Variants in OPCML observed in about 807,000 individuals in gnomAD.
OPCML encodes opioid binding protein/cell adhesion molecule like, also known as opioid-binding protein/cell adhesion molecule.
In OPCML, 13 loss-of-function variants were observed where a neutral mutation model predicts 37.8. That is an observed-to-expected ratio of 0.34 (90% confidence interval 0.22 to 0.55). The LOEUF is 0.55. OPCML is among the 20% of genes least tolerant of loss of function. The pLI is 0.91. For missense variants in OPCML, 341 were observed against 435.6 expected (o/e 0.78, Z 1.93); for synonymous variants, 176 against 168.8 (o/e 1.04, Z -0.33).
chr11:133,263,840 C>T (rs940444401), intron 1 of OPCML, among the ~76,000 whole-genome samples: 4 of 152,114 alleles, frequency 2.6e-5, no homozygotes, highest in Non-Finnish European at 5.9e-5. Flanking sequence ...CAAAAATCTG[C>T]CATGTATTTT....
chr11:132,590,057 C>A (rs193218404), intron 3 of OPCML, among the ~76,000 whole-genome samples: 1 of 152,268 alleles, frequency 6.6e-6, no homozygotes, highest in Admixed American at 6.5e-5. Context: ...CAATGCAGAT[C>A]TTTTAATGAC....
chr11:133,073,454 G>A (rs138721029), intron 1 of OPCML, among the ~76,000 whole-genome samples: 109 of 152,310 alleles, frequency 7.2e-4, no homozygotes, highest in Admixed American at 1.2e-3. Flanking sequence ...CTCCAACCAC[G>A]GAAACCCAGG....
chr11:132,682,970 A>T (rs758361860), intron 2 of OPCML, among the ~76,000 whole-genome samples: 5 of 152,230 alleles, frequency 3.3e-5, no homozygotes, highest in Non-Finnish European at 7.3e-5. Flanking sequence ...ATTCAAGGCC[A>T]GTCAGAAGAA....
chr11:132,560,314 T>C (rs1239944028), intron 3 of OPCML, among the ~76,000 whole-genome samples: 1 of 152,220 alleles, frequency 6.6e-6, no homozygotes, highest in East Asian at 1.9e-4. Context: ...CAAAATCTAA[T>C]AGTTTTCCAC....
chr11:133,031,614 G>A (rs1335161466), intron 1 of OPCML, among the ~76,000 whole-genome samples: 1 of 151,752 alleles, frequency 6.6e-6, no homozygotes, highest in East Asian at 1.9e-4. Flanking sequence ...GATAGATGGT[G>A]TATGAATGGG....
At chr11:132,862,945 T>C (rs1247854036) in intron 2 of OPCML, among the ~76,000 whole-genome samples, 1 of 152,218 alleles carries the variant, frequency 6.6e-6, no homozygotes, top group Non-Finnish European at 1.5e-5. Flanking sequence ...ATGGTTACAC[T>C]GAGATATTTC....
chr11:133,442,927 A>C (rs1236714346), intron 1 of OPCML, among the ~76,000 whole-genome samples: 2 of 152,226 alleles, frequency 1.3e-5, no homozygotes, highest in Non-Finnish European at 2.9e-5. Context: ...TGGAAAGCAG[A>C]GAATGGGAAA....
intron 2 of OPCML, among the ~76,000 whole-genome samples, chr11:132,733,774 T>C (rs779325101): frequency 2.6e-5 from 4 of 152,012 alleles, no homozygotes; most frequent in African/African-American, 4.8e-5. Flanking sequence ...GAGAAAGAGA[T>C]GAGATGAGCT....
chr11:133,421,381 G>A (rs949209112), intron 1 of OPCML: 6 of 985,280 alleles, frequency 6.1e-6, no homozygotes, highest in African/African-American at 1.7e-5. Flanking sequence ...GGTGTCACTC[G>A]GAGACCAGAA....
chr11:132,978,841 ATC>A (rs1248664355), intron 1 of OPCML, among the ~76,000 whole-genome samples: 6 of 152,142 alleles, frequency 3.9e-5, no homozygotes, highest in Admixed American at 1.3e-4. Context: ...ACGTATACAC[ATC>A]TCTTTCTCCG....
At chr11:132,967,328 A>G (rs1046429333) in intron 1 of OPCML, among the ~76,000 whole-genome samples, 3 of 152,204 alleles carry the variant, frequency 2.0e-5, no homozygotes, top group Admixed American at 6.5e-5. Flanking sequence ...TTTCTTATAC[A>G]TATTACAACT....
At chr11:132,747,905 C>T (rs1308102683) in intron 2 of OPCML, among the ~76,000 whole-genome samples, 3 of 152,116 alleles carry the variant, frequency 2.0e-5, no homozygotes, top group Admixed American at 2.0e-4. Flanking sequence ...GAGCTCAAGC[C>T]ATCCTCCTGC....
intron 1 of OPCML, among the ~76,000 whole-genome samples, chr11:133,486,336 C>T (rs1389531227): frequency 6.6e-6 from 1 of 152,192 alleles, no homozygotes; most frequent in Non-Finnish European, 1.5e-5. Flanking sequence ...TGTAATGACT[C>T]TGGTGAAGGT....
chr11:132,647,375 A>C (rs1941206204), intron 3 of OPCML, among the ~76,000 whole-genome samples: 1 of 152,240 alleles, frequency 6.6e-6, no homozygotes, highest in Admixed American at 6.5e-5. Flanking sequence ...TAACTCTTGA[A>C]TAATATAAGG....
chr11:133,165,969 C>T (rs1422757164), intron 1 of OPCML, among the ~76,000 whole-genome samples: 3 of 152,228 alleles, frequency 2.0e-5, no homozygotes, highest in African/African-American at 7.2e-5. Context: ...GTGATGAAGA[C>T]AATGCCTCTT....
chr11:132,901,940 GAATA>G (rs909372357), intron 2 of OPCML, among the ~76,000 whole-genome samples: 1 of 152,232 alleles, frequency 6.6e-6, no homozygotes, highest in African/African-American at 2.4e-5. Context: ...AATCCTTTTG[GAATA>G]AGAACCACCA....
intron 1 of OPCML, among the ~76,000 whole-genome samples, chr11:133,226,333 C>G (rs1463112186): frequency 1.3e-5 from 2 of 152,216 alleles, no homozygotes; most frequent in Non-Finnish European, 2.9e-5. Flanking sequence ...TGCCGTGATT[C>G]GTATTTATGG....
chr11:133,257,754 C>A (rs577073491), intron 1 of OPCML, among the ~76,000 whole-genome samples: 31 of 152,272 alleles, frequency 2.0e-4, no homozygotes, highest in Admixed American at 1.7e-3. Flanking sequence ...CTTATGCCAA[C>A]CATTCATTCA....
chr11:132,917,112 G>A (rs1306469004), intron 2 of OPCML, among the ~76,000 whole-genome samples: 1 of 152,124 alleles, frequency 6.6e-6, no homozygotes, highest in Non-Finnish European at 1.5e-5. Flanking sequence ...GCTGGCTCCT[G>A]AGTGTCAATG....
Sources: allele counts gnomAD v4.1 joint callset (sites outside exome capture counted in the v4.1 genomes callset), GRCh38; gene constraint gnomAD v4.1.1; transcripts MANE v1.5; gene names NCBI Gene and HGNC (gene_info 2026-07-23, HGNC 2026-07-21).